The following CFAP77 variants were observed in gnomAD, a reference collection of about 807,000 sequenced individuals.
CFAP77 encodes the protein cilia- and flagella-associated protein 77.
In CFAP77, 25 loss-of-function variants were observed where a neutral mutation model predicts 31.1. The ratio of observed to expected loss-of-function variants is 0.80; its 90% CI spans 0.59 to 1.12. The LOEUF is 1.12. Ranked by LOEUF, CFAP77 falls within the 50% of genes most tolerant of loss-of-function variation. CFAP77 has a pLI of 0.00. For synonymous variants in CFAP77, 151 were observed against 159.9 expected (o/e 0.94, Z 0.42); for missense variants, 377 against 397.3 (o/e 0.95, Z 0.44).
chr9:132,529,562 C>CA (rs1441364706), intron 3 of CFAP77, among the ~76,000 whole-genome samples: 1 of 150,472 alleles, frequency 6.6e-6, no homozygotes, highest in Non-Finnish European at 1.5e-5. Context: ...CACGGTGGCT[C>CA]ACGCCTGTAA....
rs377448366 is a variant in CFAP77 at position 132,529,695 on chromosome 9, A to G, written c.525-7906A>G. On this transcript the variant is annotated intron_variant, in intron 3 of 5. Coordinates refer to ENST00000393216, the MANE Select transcript of CFAP77 (RefSeq NM_001282957.2). ...CAAAATATTAGCTGGGCGTGGTGGC[A>G]GGCACCTGTAATCCCAGCTACTCGG... Among the ~76,000 whole-genome samples the G allele has an allele frequency of 6.2e-4, 94 of 151,662 alleles. 1 individual carries two copies. The South Asian group carries it at 8.6e-3, about 14-fold the overall frequency.
At position 132,572,584 on chromosome 9, in the gene CFAP77, C is replaced by A; in HGVS notation, c.*74C>A. The A allele has an allele frequency of 1.4e-6, 2 of 1,417,506 alleles. No homozygotes were observed. Among genetic ancestry groups the A allele is most frequent in the South Asian group, 1.3e-5 (1 of 76,494 alleles). The allele number at this position is 1,417,506 out of a possible 1,614,324, so 87.8% of individuals were successfully genotyped here. The stretch of plus-strand genomic sequence containing the variant: ...CCCAGAAGGACTCCCTATCTTGCCC[C>A]AACCCTGACATTCCCCCATTTTTAT... On this transcript the variant is annotated 3_prime_UTR_variant, in exon 6 of 6. Transcript: ENST00000393216.
chr9:132,531,501 A>T (rs968036239), intron 3 of CFAP77, among the ~76,000 whole-genome samples: 2 of 151,844 alleles, frequency 1.3e-5, no homozygotes, highest in Non-Finnish European at 2.9e-5. Flanking sequence ...GAGAAAGAGG[A>T]TTCCAGGGCT....
At chr9:132,510,294 A>T (rs911549551) in intron 3 of CFAP77, among the ~76,000 whole-genome samples, 1 of 152,192 alleles carries the variant, frequency 6.6e-6, no homozygotes, top group African/African-American at 2.4e-5. Flanking sequence ...CACCCGTGTC[A>T]GGGGAGGGGC....
intron 1 of CFAP77, among the ~76,000 whole-genome samples, chr9:132,488,297 C>T (rs913726736): frequency 7.2e-5 from 11 of 152,152 alleles, no homozygotes; most frequent in Admixed American, 2.6e-4. Flanking sequence ...TGGAAGTGAC[C>T]ACTGGCCCGT....
At chr9:132,451,977 T>C (rs1259765094) in intron 1 of CFAP77, among the ~76,000 whole-genome samples, 2 of 151,950 alleles carry the variant, frequency 1.3e-5, no homozygotes, top group Non-Finnish European at 2.9e-5. Context: ...ACTAATTTTT[T>C]ATATTTTTAG....
At position 132,452,476 on chromosome 9, in the gene CFAP77, A is replaced by G. The variant is rs1850843886; in HGVS notation, c.195+42010A>G. ...TGAAGAGGAGGGGGCCAGGTTGGTG[A>G]GCAGTCCAGAAACCACAGGAGGACC... On this transcript the variant is annotated intron_variant, in intron 1 of 5. Coordinates refer to ENST00000393216, the MANE Select transcript of CFAP77 (RefSeq NM_001282957.2). Among the ~76,000 whole-genome samples, 3 of 152,230 alleles carry G rather than the reference A, an allele frequency of 2.0e-5. No individual in the cohort carries two copies. In the South Asian group the frequency reaches 6.2e-4, roughly 31 times the overall value.
At chr9:132,562,890 G>C (rs1589928043) in intron 5 of CFAP77, among the ~76,000 whole-genome samples, 1 of 151,964 alleles carries the variant, frequency 6.6e-6, no homozygotes, top group South Asian at 2.1e-4. Flanking sequence ...AGTAGAGACA[G>C]GGTTTCATCA....
intron 5 of CFAP77, among the ~76,000 whole-genome samples, chr9:132,566,317 G>A (rs1467130169): frequency 6.6e-6 from 1 of 152,204 alleles, no homozygotes; most frequent in Admixed American, 6.5e-5. Context: ...GGGTTCAATC[G>A]CTGAAATGAA....
At chr9:132,436,139 G>T (rs1042626445) in intron 1 of CFAP77, among the ~76,000 whole-genome samples, 1 of 152,144 alleles carries the variant, frequency 6.6e-6, no homozygotes, top group East Asian at 1.9e-4. Context: ...TTCTGTCACA[G>T]CTTCAGAGGT....
At chr9:132,468,163 C>T (rs573057027) in intron 1 of CFAP77, among the ~76,000 whole-genome samples, 45 of 152,018 alleles carry the variant, frequency 3.0e-4, no homozygotes, top group African/African-American at 1.0e-3. Flanking sequence ...GTCAACATGG[C>T]GAAACCCCGT....
intron 3 of CFAP77, among the ~76,000 whole-genome samples, chr9:132,535,483 G>T (rs1401236136): frequency 6.6e-6 from 1 of 152,084 alleles, no homozygotes; most frequent in Non-Finnish European, 1.5e-5. Context: ...AGGCCGAGGT[G>T]GGCAGATCAC....
chr9:132,554,089 C>CCCCT lies in CFAP77; in HGVS notation c.732+11043_732+11046dup, dbSNP rs1852860503. ...TTACTTTGCAGGTGAGAAACTGAGG[C>CCCCT]CCCTGGTCACACAGCTGGAAAGCGA... is the stretch of plus-strand genomic sequence containing the variant. On this transcript the variant is annotated intron_variant, in intron 5 of 5. Transcript: ENST00000393216. The surrounding 1 kb of genome is among the most constrained non-coding windows in gnomAD (Gnocchi z 4.1). Among the ~76,000 whole-genome samples, 1 of 152,210 alleles carries CCCCT rather than the reference C, an allele frequency of 6.6e-6. No individual in the cohort carries two copies. The highest frequency in any genetic ancestry group is 6.5e-5 in the Admixed American group (1 of 15,284).
At chr9:132,411,155 G>T (rs1392061933) in intron 1 of CFAP77, among the ~76,000 whole-genome samples, 1 of 152,218 alleles carries the variant, frequency 6.6e-6, no homozygotes, top group African/African-American at 2.4e-5. Flanking sequence ...CACTGCTGTG[G>T]CGGCCACACC....
chr9:132,413,607 A>G (rs1375150187), intron 1 of CFAP77, among the ~76,000 whole-genome samples: 1 of 152,188 alleles, frequency 6.6e-6, no homozygotes, highest in East Asian at 1.9e-4. Flanking sequence ...GAATCCTGCT[A>G]CAATAGCCTT....
intron 3 of CFAP77, chr9:132,513,417 C>A: frequency 6.8e-7 from 1 of 1,478,808 alleles, no homozygotes; most frequent in East Asian, 2.5e-5. Context: ...TCTGAGGCCC[C>A]TGTGCACACC....
intron 1 of CFAP77, among the ~76,000 whole-genome samples, chr9:132,451,700 G>A (rs1589857885): frequency 6.6e-6 from 1 of 151,866 alleles, no homozygotes; most frequent in African/African-American, 2.4e-5. Flanking sequence ...TTTGCTACCC[G>A]AGCCAATCCT....
chr9:132,459,775 TGA>T (rs1292497697), intron 1 of CFAP77, among the ~76,000 whole-genome samples: 3 of 151,112 alleles, frequency 2.0e-5, no homozygotes, highest in East Asian at 1.9e-4. Flanking sequence ...TGAGTGTGTG[TGA>T]GAGCGTGTGT....
At chr9:132,532,877 A>G (rs546194953) in intron 3 of CFAP77, among the ~76,000 whole-genome samples, 7 of 152,316 alleles carry the variant, frequency 4.6e-5, no homozygotes, top group Admixed American at 3.9e-4. Context: ...AGTGAGACCC[A>G]TATCTCTACA....
Sources: gnomAD v4.1 joint callset for allele counts (sites outside exome capture counted in the v4.1 genomes callset) on GRCh38, gnomAD v4.1.1 for gene constraint, Gnocchi (gnomAD v3.1) non-coding constraint, MANE v1.5 for transcripts, NCBI Gene and HGNC (gene_info 2026-07-23, HGNC 2026-07-21) for gene names.